The following ZSCAN12 variants were observed in gnomAD, a reference collection of about 807,000 sequenced individuals.
ZSCAN12 encodes the protein zinc finger and SCAN domain-containing protein 12.
Under a neutral mutation model 23.4 loss-of-function variants are expected in ZSCAN12, and 18 were observed. That is an observed-to-expected ratio of 0.77 (90% CI 0.53 to 1.14). The LOEUF (loss-of-function observed/expected upper bound fraction) is 1.14. Ranked by LOEUF, ZSCAN12 falls within the 50% of genes most tolerant of loss-of-function variation. ZSCAN12 has a pLI of 0.00. For missense variants in ZSCAN12, 650 were observed against 735.0 expected (o/e 0.88, Z 1.34); for synonymous variants, 186 against 253.4 (o/e 0.73, Z 2.53).
In ZSCAN12 at chr6:28,386,044, T is replaced by C. The variant is rs1049601258; in HGVS notation, c.*4410A>G. 5.9e-5 allele frequency among the ~76,000 whole-genome samples: 9 copies of C among 152,212 alleles called. No homozygotes were observed. The highest frequency in any genetic ancestry group is 1.9e-4 in the African/African-American group (8 of 41,464). ...GCAACCTCTTAATACAATTTATTTTTGGAAGGAGGGCCCCATTCTTTTTTC... is the reference window on the plus strand; with the variant it reads ...GCAACCTCTTAATACAATTTATTTTCGGAAGGAGGGCCCCATTCTTTTTTC... On this transcript the variant is annotated 3_prime_UTR_variant, in exon 4 of 4. Transcript: ENST00000684592.
Position 28,391,064 on chromosome 6 carries a change from G to T in ZSCAN12, c.1226C>A (p.Thr409Asn). The change falls in exon 4 of 4, where the codon ACC (threonine) becomes AAC (asparagine). Residue 409 changes from threonine to asparagine, a missense_variant. Coordinates refer to ENST00000684592, the MANE Select transcript of ZSCAN12 (RefSeq NM_001163391.2). The surrounding 1 kb of genome is among the most constrained non-coding windows in gnomAD (Gnocchi z 4.1). ...SILTQHQGVH[T>N]GAKPYECNEC... is the part of the protein sequence containing the mutation. ...GTTGCACTCATACGGCTTGGCGCCG[G>T]TATGAACTCCTTGATGCTGAGTAAG... The T allele has an allele frequency of 1.3e-6, 2 of 1,553,966 alleles. No homozygotes were observed. Among genetic ancestry groups the T allele is most frequent in the Non-Finnish European group, 1.7e-6 (2 of 1,148,018 alleles).
chr6:28,390,373 TG>T lies in ZSCAN12; in HGVS notation c.*80del, dbSNP rs551419471. The T allele has an allele frequency of 4.7e-4, 556 of 1,174,468 alleles. No individual in the cohort carries two copies. The highest frequency in any genetic ancestry group is 5.8e-4 in the Non-Finnish European group (493 of 853,978). The allele number at this position is 1,174,468 out of a possible 1,614,324, so 72.8% of individuals were successfully genotyped here. The stretch of plus-strand genomic sequence containing the variant: ...GAGGTTTCCTTATAACAATGGTGAC[TG>T]AAGTTTTGCCCCAATAATTGTAAAG... On this transcript the variant is annotated 3_prime_UTR_variant, in exon 4 of 4. Coordinates refer to ENST00000684592, the MANE Select transcript of ZSCAN12 (RefSeq NM_001163391.2).
At chr6:28,381,822 G>C (rs1760258732), downstream of ZSCAN12, 1 of 152,164 alleles carries the variant, frequency 6.6e-6, no homozygotes, top group Non-Finnish European at 1.5e-5. Context: ...TTTAGCCTGA[G>C]ACCTAAAGGC....
At chr6:28,398,648 T>A (rs1761251038) in intron 1 of ZSCAN12, among the ~76,000 whole-genome samples, 175 bp from the exon 2 acceptor site, 1 of 151,262 alleles carries the variant, frequency 6.6e-6, no homozygotes, top group South Asian at 2.1e-4. Flanking sequence ...CCGGGCACAG[T>A]GGCTCACGCC....
At chr6:28,398,629 C>T (rs1581787925) in intron 1 of ZSCAN12, among the ~76,000 whole-genome samples, 156 bp from the exon 2 acceptor site, 1 of 151,830 alleles carries the variant, frequency 6.6e-6, no homozygotes, top group Admixed American at 6.6e-5. Flanking sequence ...AAGATTAGAC[C>T]GATTTAGGCC....
Position 28,391,209 on chromosome 6 carries a change from T to C in ZSCAN12, c.1081A>G (p.Asn361Asp), listed in dbSNP as rs553187526. 13 of 1,551,960 alleles carry C rather than the reference T, an allele frequency of 8.4e-6. No homozygotes were observed. The African/African-American group carries it at 1.2e-4, about 15-fold the overall frequency. ...TGACTAAAGGCTTTGCCACAGTCAT[T>C]ACAGTGATAGTGTTTTTCTCCTGTG... Reference protein sequence around the residue: ...LHTGEKHYHCNDCGKAFSQKA... With the variant: ...LHTGEKHYHCDDCGKAFSQKA... Residue 361 changes from asparagine (N) to aspartate (D), a missense_variant, in exon 4 of 4, where the codon AAT (asparagine) becomes GAT (aspartate). Asn to Asp is a conservative substitution (Grantham distance 23). Transcript: ENST00000684592. The surrounding 1 kb of genome is among the most constrained non-coding windows in gnomAD (Gnocchi z 4.1).
At chr6:28,393,183 A>G in intron 2 of ZSCAN12, 137 bp from the exon 3 acceptor site, 1 of 888,438 alleles carries the variant, frequency 1.1e-6, no homozygotes, top group Non-Finnish European at 1.7e-6. Flanking sequence ...CCATTCTTCA[A>G]GGCCAATATA....
Position 28,390,532 on chromosome 6 carries a change from A to G in ZSCAN12, c.1758T>C (p.Cys586=), listed in dbSNP as rs1760759913. The G allele has an allele frequency of 6.4e-7, 1 of 1,559,388 alleles. No individual in the cohort carries two copies. The highest frequency in any genetic ancestry group is 8.7e-7 in the Non-Finnish European group (1 of 1,152,068). ...CTGAGTTCTGCCTGAATGATTTCCC[A>G]CACTCTTTACATACATAGGTACCAC... ...NRRGTYVCKE[C]GKSFRQNSAL... The change falls in exon 4 of 4, where the codon TGT becomes TGC. Residue 586 remains cysteine (C), a synonymous_variant. Coordinates refer to ENST00000684592, the MANE Select transcript of ZSCAN12 (RefSeq NM_001163391.2).
rs1459778333 is a variant in ZSCAN12 at position 28,390,182 on chromosome 6, G to T, written c.*272C>A. Among the ~76,000 whole-genome samples, 2 of 152,058 alleles carry T rather than the reference G, an allele frequency of 1.3e-5. No homozygotes were observed. The highest frequency in any genetic ancestry group is 4.8e-5 in the African/African-American group (2 of 41,410). On this transcript the variant is annotated 3_prime_UTR_variant, in exon 4 of 4. Coordinates refer to ENST00000684592, the MANE Select transcript of ZSCAN12 (RefSeq NM_001163391.2). ...TACCACTTTCATTCGACACCATCTG[G>T]TGCATCAATTCTACTCTCCTGTAGT...
chr6:28,383,580 G>A (rs1179707195), downstream of ZSCAN12, among the ~76,000 whole-genome samples: 2 of 152,166 alleles, frequency 1.3e-5, no homozygotes, highest in Non-Finnish European at 2.9e-5. Flanking sequence ...AGGCCGGGGC[G>A]CGTCAGACCC....
At chr6:28,396,463 T>G (rs1397359918) in intron 2 of ZSCAN12, among the ~76,000 whole-genome samples, 1 of 152,218 alleles carries the variant, frequency 6.6e-6, no homozygotes, top group Non-Finnish European at 1.5e-5. Context: ...TAGAATACAT[T>G]GCTCTGTAAA....
Position 28,390,546 on chromosome 6 carries a change from C to T in ZSCAN12, c.1744G>A (p.Val582Ile), listed in dbSNP as rs1169699484. Residue 582 changes from valine to isoleucine, a missense_variant, in exon 4 of 4, where the codon GTA becomes ATA. Coordinates refer to ENST00000684592, the MANE Select transcript of ZSCAN12 (RefSeq NM_001163391.2). ...QRIHNRRGTY[V>I]CKECGKSFRQ... ...AATGATTTCCCACACTCTTTACATACATAGGTACCACGTCTATTATGGATT... is the reference window on the plus strand; with the variant it reads ...AATGATTTCCCACACTCTTTACATATATAGGTACCACGTCTATTATGGATT... The T allele has an allele frequency of 1.3e-6, 2 of 1,569,186 alleles. No homozygotes were observed. The highest frequency in any genetic ancestry group is 1.2e-5 in the South Asian group (1 of 85,774).
chr6:28,382,585 T>C (rs1444955292), downstream of ZSCAN12: 2 of 1,551,684 alleles, frequency 1.3e-6, no homozygotes, highest in East Asian at 2.4e-5. Context: ...TTTTCAGAAG[T>C]ATTTCCTTGT....
chr6:28,390,940 G>A lies in ZSCAN12; in HGVS notation c.1350C>T (p.Ser450=). The A allele has an allele frequency of 6.4e-7, 1 of 1,561,130 alleles. No individual in the cohort carries two copies. Among genetic ancestry groups the A allele is most frequent in the Non-Finnish European group, 8.7e-7 (1 of 1,152,252 alleles). ...GCTGAATAAGGCCACTCTGACTGAAGGATTTCCCACATTCCTTACACTGAT... is the reference window on the plus strand; with the variant it reads ...GCTGAATAAGGCCACTCTGACTGAAAGATTTCCCACATTCCTTACACTGAT... ...KCYQCKECGK[S]FSQSGLIQHQ... is the part of the protein sequence containing the mutation. Residue 450 remains serine, a synonymous_variant, in exon 4 of 4, where the codon TCC becomes TCT. Coordinates refer to ENST00000684592, the MANE Select transcript of ZSCAN12 (RefSeq NM_001163391.2).
rs1348115660 is a variant in ZSCAN12 at position 28,387,569 on chromosome 6, G to T, written c.*2885C>A. ...AGTTTCTAACAGTGAAACAGCAAAA[G>T]AACTACCATAACTAACTCCATTTTT... On this transcript the variant is annotated 3_prime_UTR_variant, in exon 4 of 4. Transcript: ENST00000684592. 2.0e-5 allele frequency among the ~76,000 whole-genome samples: 3 copies of T among 152,130 alleles called. No homozygotes were observed. Among genetic ancestry groups the T allele is most frequent in the African/African-American group, 7.2e-5 (3 of 41,424 alleles).
rs1760912636 is a variant in ZSCAN12, at chr6:28,392,755, C to A, written c.547+147G>T. 6.3e-6 allele frequency: 5 copies of A among 796,556 alleles called. No individual in the cohort carries two copies. The Admixed American group carries it at 1.2e-4, about 19-fold the overall frequency. 49.3% of individuals were successfully genotyped at this position (796,556 alleles called of 1,614,324 possible). On this transcript the variant is annotated intron_variant, in intron 3 of 3. Transcript: ENST00000684592. ...AAGGGTTGAAGAGTGACAAACTAGG[C>A]TGTCTGAGAGTCTATATATGAGCCA...
At chr6:28,381,548 C>T (rs1040799722), downstream of ZSCAN12, 5 of 152,154 alleles carry the variant, frequency 3.3e-5, no homozygotes, top group African/African-American at 1.2e-4. Flanking sequence ...ACAAATATGG[C>T]TGAGATTTCC....
At chr6:28,395,661 A>G (rs1761071295) in intron 2 of ZSCAN12, among the ~76,000 whole-genome samples, 1 of 152,200 alleles carries the variant, frequency 6.6e-6, no homozygotes, top group Non-Finnish European at 1.5e-5. Context: ...AAAATTCTCC[A>G]ATGACTTTCC....
chr6:28,398,618 T>TA, intron 1 of ZSCAN12, 145 bp from the exon 2 acceptor site: 1 of 509,696 alleles, frequency 2.0e-6, no homozygotes, highest in Non-Finnish European at 3.3e-6. Flanking sequence ...AGAAAAGACT[T>TA]AAGATTAGAC....
Sources: gnomAD v4.1 joint callset for allele counts (sites outside exome capture counted in the v4.1 genomes callset) on GRCh38, gnomAD v4.1.1 for gene constraint, Gnocchi (gnomAD v3.1) non-coding constraint, MANE v1.5 for transcripts, NCBI Gene and HGNC (gene_info 2026-07-23, HGNC 2026-07-21) for gene names.